The following POLN variants were observed in gnomAD, a reference collection of about 807,000 sequenced individuals.
POLN encodes DNA polymerase N.
In POLN, 108 loss-of-function variants were observed where a neutral mutation model predicts 113.5. The observed-to-expected ratio is 0.95, with a 90% CI of 0.81 to 1.12. POLN has a LOEUF of 1.12. Among genes scored for constraint, POLN ranks in the 50% most tolerant of loss-of-function variants. POLN has a pLI of 0.00. For synonymous variants in POLN, 386 were observed against 391.5 expected (o/e 0.99, Z 0.17); for missense variants, 1,097 against 1,077.1 (o/e 1.02, Z -0.26).
At chr4:2,166,595 T>C (rs1732734310) in intron 13 of POLN, among the ~76,000 whole-genome samples, 1 of 152,118 alleles carries the variant, frequency 6.6e-6, no homozygotes, top group African/African-American at 2.4e-5. Flanking sequence ...CCTGCGTCAA[T>C]GTGGGCAGGG....
At chr4:2,139,831 T>C (rs774359588) in intron 16 of POLN, 3 of 152,134 alleles carry the variant, frequency 2.0e-5, no homozygotes, top group African/African-American at 4.8e-5. Context: ...ATAGCACTTA[T>C]ATCATTTATG....
At chr4:2,134,862 A>G (rs1731814964) in intron 16 of POLN, among the ~76,000 whole-genome samples, 1 of 152,226 alleles carries the variant, frequency 6.6e-6, no homozygotes, top group Non-Finnish European at 1.5e-5. Flanking sequence ...TGTTTACTGA[A>G]TGAGTGAGAC....
intron 19 of POLN, among the ~76,000 whole-genome samples, chr4:2,098,071 C>G (rs1730839216): frequency 6.6e-6 from 1 of 152,144 alleles, no homozygotes; most frequent in Non-Finnish European, 1.5e-5. Context: ...CCTTGTTTAG[C>G]CACCCTTAAA....
chr4:2,197,675 G>C (rs1484134404), intron 6 of POLN, among the ~76,000 whole-genome samples: 1 of 152,182 alleles, frequency 6.6e-6, no homozygotes, highest in African/African-American at 2.4e-5. Context: ...TACATAAAAA[G>C]AAAATGAAGG....
At position 2,174,762 on chromosome 4, in the gene POLN, G is replaced by A. The variant is rs765082156; in HGVS notation, c.1249-11C>T. 5.7e-6 allele frequency: 9 copies of A among 1,569,380 alleles called. No individual in the cohort carries two copies. The highest frequency in any genetic ancestry group is 7.9e-6 in the Non-Finnish European group (9 of 1,143,504). ...CCATAAACCATAATCCTGTTTAATA[G>A]GAAGAAATAACATCAACGTCAATTT... is the stretch of plus-strand genomic sequence containing the variant. On this transcript the variant is annotated splice_polypyrimidine_tract_variant and intron_variant, in intron 9 of 25. Coordinates refer to ENST00000511885, the MANE Select transcript of POLN (RefSeq NM_181808.4).
chr4:2,085,744 CCT>C lies in POLN; in HGVS notation c.2066-2_2066-1del, dbSNP rs751675575. On this transcript the variant is annotated splice_acceptor_variant, in intron 20 of 25. Transcript: ENST00000511885. LOFTEE classifies it high-confidence loss of function. ...AAGGCAAGCAGCCAGCCGCTCCTTC[CCT>C]GTCAGTCAGAGAGACGCATGTCAAA... 5 of 1,613,544 alleles carry C rather than the reference CCT, an allele frequency of 3.1e-6. No individual in the cohort carries two copies. The African/African-American group carries it at 6.7e-5, about 22-fold the overall frequency.
intron 24 of POLN, among the ~76,000 whole-genome samples, chr4:2,073,701 G>A (rs558623844): frequency 5.3e-5 from 8 of 152,332 alleles, no homozygotes; most frequent in South Asian, 2.1e-4. Flanking sequence ...ATAAACATTC[G>A]TTCAGTCCTT....
chr4:2,213,156 G>A (rs142339706), intron 3 of POLN, 30 bp from the exon 4 acceptor site: 8 of 1,447,188 alleles, frequency 5.5e-6, no homozygotes, highest in African/African-American at 4.3e-5. Flanking sequence ...AGAAACATGG[G>A]GCATTAAAGA....
At chr4:2,187,849 A>T (rs750736037) in intron 7 of POLN, among the ~76,000 whole-genome samples, 3 of 152,140 alleles carry the variant, frequency 2.0e-5, no homozygotes, top group Non-Finnish European at 2.9e-5. Flanking sequence ...GGTGGCTGAC[A>T]CCTGTAATCC....
At chr4:2,217,612 A>T (rs907556969) in intron 3 of POLN, among the ~76,000 whole-genome samples, 3 of 151,628 alleles carry the variant, frequency 2.0e-5, no homozygotes, top group Non-Finnish European at 4.4e-5. Flanking sequence ...AGGGCCCAGT[A>T]GCATGACAGT....
chr4:2,232,513 T>C (rs1003138942), intron 2 of POLN, among the ~76,000 whole-genome samples: 7 of 152,216 alleles, frequency 4.6e-5, no homozygotes, highest in African/African-American at 1.7e-4. Context: ...TGATGGAGCT[T>C]ATATTCTGCT....
At chr4:2,086,727 C>A (rs955015265) in intron 20 of POLN, among the ~76,000 whole-genome samples, 1 of 152,146 alleles carries the variant, frequency 6.6e-6, no homozygotes, top group Non-Finnish European at 1.5e-5. Flanking sequence ...TTGGAAGGAA[C>A]CCCAGAGAGA....
At chr4:2,105,849 G>GA (rs1560995422) in intron 19 of POLN, among the ~76,000 whole-genome samples, 31 of 118,828 alleles carry the variant, frequency 2.6e-4, no homozygotes, top group African/African-American at 8.2e-4. Context: ...GATGATGATG[G>GA]TGATGATAAA....
At chr4:2,080,240 G>A (rs982973878) in intron 23 of POLN, 31 of 987,894 alleles carry the variant, frequency 3.1e-5, no homozygotes, top group Admixed American at 2.4e-4. Flanking sequence ...TGGCAAGGAG[G>A]AGGTGGCTGG....
intron 19 of POLN, among the ~76,000 whole-genome samples, chr4:2,117,728 G>A (rs562934073): frequency 2.6e-5 from 4 of 152,292 alleles, no homozygotes; most frequent in South Asian, 2.1e-4. Context: ...CTTGGGCAAA[G>A]GTCCTGGATT....
rs375336655 is a variant in POLN, at chr4:2,174,688, T to C, written c.1309+3A>G. 6.2e-7 allele frequency: 1 copy of C among 1,605,268 alleles called. No individual in the cohort carries two copies. Among genetic ancestry groups the C allele is most frequent in the Admixed American group, 1.7e-5 (1 of 59,972 alleles). On this transcript the variant is annotated splice_donor_region_variant and intron_variant, in intron 10 of 25. Transcript: ENST00000511885. Reference sequence around the variant, plus strand: ...GCTGTACTTCATCTTTATGGTAACTTACCTGCCAAAATTGGTATCAGAGGA... The same window carrying C: ...GCTGTACTTCATCTTTATGGTAACTCACCTGCCAAAATTGGTATCAGAGGA...
rs374960363 is a variant in POLN at position 2,212,910 on chromosome 4, T to C, written c.213+137A>G. ...GCATCCAAATTAAACTATAAGTTCTTGGAGAGCAAGAACGCCTCTTTTTTT... is the reference window on the plus strand; with the variant it reads ...GCATCCAAATTAAACTATAAGTTCTCGGAGAGCAAGAACGCCTCTTTTTTT... On this transcript the variant is annotated intron_variant, in intron 4 of 25. Coordinates refer to ENST00000511885, the MANE Select transcript of POLN (RefSeq NM_181808.4). The C allele has an allele frequency of 2.8e-5, 14 of 493,896 alleles. No homozygotes were observed. The East Asian group carries it at 3.5e-4, about 12-fold the overall frequency. The allele number at this position is 493,896 out of a possible 1,614,324, so 30.6% of individuals were successfully genotyped here.
At chr4:2,090,227 G>T in intron 20 of POLN, 2 of 811,598 alleles carry the variant, frequency 2.5e-6, no homozygotes, top group Admixed American at 2.4e-5. Context: ...CCTCATTCTT[G>T]TCCTTCAAAT....
chr4:2,164,118 T>G (rs1732667904), intron 13 of POLN, among the ~76,000 whole-genome samples: 2 of 152,198 alleles, frequency 1.3e-5, no homozygotes, highest in African/African-American at 4.8e-5. Context: ...ATCCATCTGC[T>G]TTCCATCTGC....
Sources: allele counts gnomAD v4.1 joint callset (sites outside exome capture counted in the v4.1 genomes callset), GRCh38; gene constraint gnomAD v4.1.1; transcripts MANE v1.5; gene names NCBI Gene and HGNC (gene_info 2026-07-23, HGNC 2026-07-21).